CCDC187: variants seen among roughly 807,000 people sequenced by gnomAD.
CCDC187 encodes coiled-coil domain containing 187.
CCDC187 carries 32 observed loss-of-function variants against 38.0 expected under a neutral mutation model. That is an observed-to-expected ratio of 0.84 (90% CI 0.64 to 1.13). The LOEUF is 1.13. Among genes scored for constraint, CCDC187 ranks in the 50% most tolerant of loss-of-function variants. CCDC187 has a pLI of 0.00. For missense variants in CCDC187, 707 were observed against 786.8 expected, an observed-to-expected ratio of 0.90 and a Z score of 1.21; for synonymous variants, 333 against 347.9, an observed-to-expected ratio of 0.96 and a Z score of 0.48.
At chr9:136,285,704 C>A in intron 8 of CCDC187, 98 bp from the exon 9 acceptor site, 1 of 397,956 alleles carries the variant, frequency 2.5e-6, no homozygotes, top group East Asian at 3.6e-5. Flanking sequence ...TGAGACACAC[C>A]TGACAGGGGT....
At chr9:136,281,391 TA>T (rs1831037229) in intron 10 of CCDC187, 159 bp downstream of exon 10, 1 of 398,242 alleles carries the variant, frequency 2.5e-6, no homozygotes, top group Non-Finnish European at 4.4e-6. Context: ...CGAAAGCCTC[TA>T]AAACCTTTAA....
Position 136,250,717 on chromosome 9 carries a change from C to G in CCDC187, c.*2877G>C, listed in dbSNP as rs1349198520. On this transcript the variant is annotated 3_prime_UTR_variant, in exon 26 of 26. Coordinates refer to ENST00000638797, the MANE Select transcript of CCDC187 (RefSeq NM_001378188.1). ...CAGGTGGGCTGGGCAGGAGCTGGTGCAAAATCAGATGCATGGCCCGAGCTG... is the reference window on the plus strand; with the variant it reads ...CAGGTGGGCTGGGCAGGAGCTGGTGGAAAATCAGATGCATGGCCCGAGCTG... The G allele has an allele frequency of 2.2e-6, 1 of 456,104 alleles. No homozygotes were observed. Among genetic ancestry groups the G allele is most frequent in the Non-Finnish European group, 4.4e-6 (1 of 226,912 alleles). 28.3% of individuals were successfully genotyped at this position (456,104 alleles called of 1,614,324 possible).
intron 12 of CCDC187, among the ~76,000 whole-genome samples, chr9:136,275,345 C>A (rs1830911596): frequency 6.6e-6 from 1 of 152,068 alleles, no homozygotes; most frequent in African/African-American, 2.4e-5. Flanking sequence ...AGGAGGGGAG[C>A]AAATCCTGTG....
chr9:136,282,271 C>A (rs1831063650), intron 9 of CCDC187, among the ~76,000 whole-genome samples: 2 of 152,184 alleles, frequency 1.3e-5, no homozygotes, highest in African/African-American at 2.4e-5. Flanking sequence ...GCAGGTACAA[C>A]TGGACCCACA....
Position 136,302,933 on chromosome 9 carries a change from G to C in CCDC187, c.504C>G (p.Ser168Arg), listed in dbSNP as rs912938745. The C allele has an allele frequency of 2.5e-6, 1 of 398,594 alleles. No individual in the cohort carries two copies. Among genetic ancestry groups the C allele is most frequent in the Admixed American group, 4.4e-5 (1 of 22,718 alleles). 24.7% of individuals were successfully genotyped at this position (398,594 alleles called of 1,614,324 possible). A position where few individuals can be genotyped will look rare whatever the true frequency, so the allele number is the denominator to read the frequency against. ...KIRAQAWQQG[S>R]CASLGTSAPS... ...GGGCTGAGGTGCCCAGGGACGCACAGCTCCCCTGCTGCCACGCCTGGGCCC... is the reference window on the plus strand; with the variant it reads ...GGGCTGAGGTGCCCAGGGACGCACACCTCCCCTGCTGCCACGCCTGGGCCC... The change falls in exon 2 of 26, where the codon AGC becomes AGG. Residue 168 changes from serine to arginine, a missense_variant. By Grantham distance (110) the Ser-to-Arg change is moderately radical (BLOSUM62 -1). Coordinates refer to ENST00000638797, the MANE Select transcript of CCDC187 (RefSeq NM_001378188.1).
intron 9 of CCDC187, among the ~76,000 whole-genome samples, chr9:136,282,742 C>G (rs957916260): frequency 6.6e-6 from 1 of 152,236 alleles, no homozygotes; most frequent in African/African-American, 2.4e-5. Flanking sequence ...AGGGTCTGGT[C>G]ATGGTGGTGA....
chr9:136,261,225 C>T lies in CCDC187; in HGVS notation c.4065-961G>A, dbSNP rs115169811. On this transcript the variant is annotated intron_variant, in intron 19 of 25. Coordinates refer to ENST00000638797, the MANE Select transcript of CCDC187 (RefSeq NM_001378188.1). ...AGCTCACAGCTGAGCTTCTCTCGAA[C>T]GGCCCAATGAAGGAGGGAAGCGCAC... Among the ~76,000 whole-genome samples the T allele has an allele frequency of 8.6e-3, 1,307 of 152,264 alleles. 27 individuals carry two copies. Among genetic ancestry groups the T allele is most frequent in the African/African-American group, 0.03 (1,242 of 41,552 alleles).
Position 136,286,171 on chromosome 9 carries a change from A to C in CCDC187, c.2747T>G (p.Leu916Arg). Residue 916 changes from leucine (L) to arginine (R), a missense_variant, in exon 8 of 26, where the codon CTG (leucine) becomes CGG (arginine). By Grantham distance (102) the Leu-to-Arg change is moderately radical. Coordinates refer to ENST00000638797, the MANE Select transcript of CCDC187 (RefSeq NM_001378188.1). The part of the protein sequence containing the change: ...PQPLLPPTYF[L>R]DGETLSWGPS... ...GCCCCACGACAGTGTCTCGCCGTCC[A>C]GGAAGTAGGTCGGGGGCAGAAGGGG... The C allele has an allele frequency of 2.5e-6, 1 of 398,560 alleles. No individual in the cohort carries two copies. The highest frequency in any genetic ancestry group is 3.6e-5 in the East Asian group (1 of 28,078). The allele number at this position is 398,560 out of a possible 1,614,324, so 24.7% of individuals were successfully genotyped here.
chr9:136,303,093 G>A lies in CCDC187; in HGVS notation c.344C>T (p.Ser115Leu), dbSNP rs1292584153. 7 of 398,486 alleles carry A rather than the reference G, an allele frequency of 1.8e-5. No homozygotes were observed. Among genetic ancestry groups the A allele is most frequent in the South Asian group, 1.3e-4 (1 of 7,872 alleles). The allele number at this position is 398,486 out of a possible 1,614,324, so 24.7% of individuals were successfully genotyped here. The change falls in exon 2 of 26, where the codon TCG becomes TTG. Residue 115 changes from serine (S) to leucine (L), a missense_variant. Transcript: ENST00000638797. ...CCCCGAAGAGCACGAGAGGCGGCCC[G>A]ATGACACCGAGCTGTCCCCATCCCT... is the stretch of plus-strand genomic sequence containing the variant. The part of the protein sequence containing the change: ...EARDGDSSVS[S>L]GRLSCSSGGH...
intron 1 of CCDC187, 65 bp downstream of exon 1, chr9:136,303,623 C>T (rs1472995627): frequency 1.0e-4 from 16 of 154,210 alleles, no homozygotes; most frequent in African/African-American, 3.8e-4. Context: ...GAGCCGCTGC[C>T]TCCAGCGGCA....
chr9:136,279,822 G>A lies in CCDC187; in HGVS notation c.3040+1729C>T, dbSNP rs989919250. ...TGAGGCGGCAATTCAGCCACAAGGCGATTCAGCCATGAGGGTTCCACCCTT... is the reference window on the plus strand; with the variant it reads ...TGAGGCGGCAATTCAGCCACAAGGCAATTCAGCCATGAGGGTTCCACCCTT... On this transcript the variant is annotated intron_variant, in intron 10 of 25. Transcript: ENST00000638797. Among the ~76,000 whole-genome samples the A allele has an allele frequency of 3.2e-3, 488 of 152,356 alleles. 5 individuals carry two copies. Among genetic ancestry groups the A allele is most frequent in the African/African-American group, 0.011 (466 of 41,582 alleles).
At chr9:136,305,930 GAC>G (rs1361804577), upstream of CCDC187, among the ~76,000 whole-genome samples, 9 of 152,220 alleles carry the variant, frequency 5.9e-5, no homozygotes, top group Admixed American at 2.0e-4. Flanking sequence ...TGAATCAGGA[GAC>G]ACACGTCAGC....
At chr9:136,289,297 C>T (rs1165211719) in intron 7 of CCDC187, among the ~76,000 whole-genome samples, 2 of 152,076 alleles carry the variant, frequency 1.3e-5, no homozygotes, top group Admixed American at 6.5e-5. Flanking sequence ...GCAGGTGGAT[C>T]ACCTGAGGTT....
chr9:136,300,458 A>G (rs1344285154), intron 2 of CCDC187, 140 bp from the exon 3 acceptor site: 3 of 385,890 alleles, frequency 7.8e-6, no homozygotes, highest in South Asian at 1.4e-4. Context: ...CTGTCACCCA[A>G]GCTGGAGTGC....
chr9:136,250,629 G>A lies in CCDC187; in HGVS notation c.*2965C>T. 2.5e-6 allele frequency: 1 copy of A among 406,288 alleles called. No homozygotes were observed. Among genetic ancestry groups the A allele is most frequent in the Non-Finnish European group, 5.0e-6 (1 of 198,086 alleles). 25.2% of individuals were successfully genotyped at this position (406,288 alleles called of 1,614,324 possible). ...AAAGCTGTAGCTCAGCTCAAAGTTT[G>A]TTCTGAAATTGGGAGCATGGAGCAG... On this transcript the variant is annotated 3_prime_UTR_variant, in exon 26 of 26. Transcript: ENST00000638797.
rs539808597 is a variant in CCDC187, at chr9:136,260,583, AC to A, written c.4065-320del. Among the ~76,000 whole-genome samples, 15 of 147,506 alleles carry A rather than the reference AC, an allele frequency of 1.0e-4. 1 individual carries two copies. The East Asian group carries it at 3.0e-3, about 30-fold the overall frequency. On this transcript the variant is annotated intron_variant, in intron 19 of 25. Coordinates refer to ENST00000638797, the MANE Select transcript of CCDC187 (RefSeq NM_001378188.1). ...CCCAGGCCTGCACTGACCTCCAGGC[AC>A]CCCCCCATCTGACTCTGCCTGGGTC...
chr9:136,287,961 G>A (rs1831220896), intron 7 of CCDC187, among the ~76,000 whole-genome samples: 1 of 152,192 alleles, frequency 6.6e-6, no homozygotes, highest in African/African-American at 2.4e-5. Context: ...CTCCCAAAGT[G>A]CTGGGATTAC....
At position 136,286,660 on chromosome 9, in the gene CCDC187, G is replaced by GA. The variant is rs1831189906; in HGVS notation, c.2257_2258insT (p.Ala753ValfsTer2). ...CATCCCTGGGGGATCTAGGGTCTCA[G>GA]CATGGTTCCAGGCTCTGTTCAAACA... On this transcript the variant is annotated frameshift_variant, in exon 8 of 26. Coordinates refer to ENST00000638797, the MANE Select transcript of CCDC187 (RefSeq NM_001378188.1). LOFTEE classifies it high-confidence loss of function. 2.0e-5 allele frequency: 8 copies of GA among 398,872 alleles called. No individual in the cohort carries two copies. In the South Asian group the frequency reaches 7.6e-4, roughly 38 times the overall value. The allele number at this position is 398,872 out of a possible 1,614,324, so 24.7% of individuals were successfully genotyped here. A position where few individuals can be genotyped will look rare whatever the true frequency, so the allele number is the denominator to read the frequency against.
At position 136,254,858 on chromosome 9, in the gene CCDC187, G is replaced by A. The variant is rs1445008724; in HGVS notation, c.4970C>T (p.Ser1657Phe). Residue 1657 changes from serine (S) to phenylalanine (F), a missense_variant, in exon 26 of 26, where the codon TCC (serine) becomes TTC (phenylalanine). Ser to Phe is a radical substitution (Grantham distance 155). Transcript: ENST00000638797. ...SSLPSLEAEDSPDEGFSWPGE... is the reference protein window; with the variant it reads ...SSLPSLEAEDFPDEGFSWPGE... ...AGGCCAGCTGAAACCTTCGTCTGGG[G>A]AGTCTTCAGCTTCCAAGCTGGGAAG... is the stretch of plus-strand genomic sequence containing the variant. The A allele has an allele frequency of 1.0e-6, 1 of 985,382 alleles. No individual in the cohort carries two copies. The highest frequency in any genetic ancestry group is 1.7e-5 in the African/African-American group (1 of 57,250). The allele number at this position is 985,382 out of a possible 1,614,324, so 61.0% of individuals were successfully genotyped here.
Sources: allele counts gnomAD v4.1 joint callset (sites outside exome capture counted in the v4.1 genomes callset), GRCh38; gene constraint gnomAD v4.1.1; transcripts MANE v1.5; gene names NCBI Gene and HGNC (gene_info 2026-07-23, HGNC 2026-07-21).